The following NEBL variants were observed in gnomAD, a reference collection of about 807,000 sequenced individuals.
NEBL encodes nebulette.
Under a neutral mutation model 140.2 loss-of-function variants are expected in NEBL, and 122 were observed. The ratio of observed to expected loss-of-function variants is 0.87; its 90% CI spans 0.75 to 1.01. The LOEUF (loss-of-function observed/expected upper bound fraction) is 1.01. Ranked by LOEUF, NEBL falls within the 50% of genes least tolerant of loss-of-function variation. The pLI is 0.00. For synonymous variants in NEBL, 436 were observed against 398.9 expected (o/e 1.09, Z -1.11); for missense variants, 1,365 against 1,231.3 (o/e 1.11, Z -1.62).
At chr10:20,845,979 T>C (rs1841899344) in intron 11 of NEBL, among the ~76,000 whole-genome samples, 1 of 152,142 alleles carries the variant, frequency 6.6e-6, no homozygotes, top group African/African-American at 2.4e-5. Flanking sequence ...TCTTGAACCT[T>C]ATAACTGAAC....
chr10:20,896,785 A>G (rs1287078643), intron 2 of NEBL, among the ~76,000 whole-genome samples, 173 bp downstream of exon 2: 2 of 152,096 alleles, frequency 1.3e-5, no homozygotes, highest in Non-Finnish European at 2.9e-5. Context: ...AATTCTCTGT[A>G]TAGGTGACCT....
At chr10:20,989,148 A>G (rs1837364984) in intron 3 of NEBL, among the ~76,000 whole-genome samples, 1 of 152,244 alleles carries the variant, frequency 6.6e-6, no homozygotes, top group Admixed American at 6.5e-5. Flanking sequence ...TGCTTTTAGT[A>G]CAAATGAATA....
intron 4 of NEBL, among the ~76,000 whole-genome samples, chr10:20,938,962 T>C (rs4304658): frequency 0.5 from 76,419 of 152,036 alleles, 20,329 homozygotes; most frequent in Non-Finnish European, 0.58. Flanking sequence ...CTATGTCTGC[T>C]TGGTGTACCT....
intron 2 of NEBL, among the ~76,000 whole-genome samples, chr10:21,078,812 C>A (rs1488949130): frequency 6.6e-6 from 1 of 152,150 alleles, no homozygotes; most frequent in Non-Finnish European, 1.5e-5. Context: ...TTGGGCAAAG[C>A]ACTAGAAGTT....
intron 7 of NEBL, among the ~76,000 whole-genome samples, chr10:20,866,260 T>A (rs1397083469): frequency 6.6e-6 from 1 of 152,112 alleles, no homozygotes; most frequent in Non-Finnish European, 1.5e-5. Context: ...AGAGTTTCAC[T>A]TTTACAGGAT....
At chr10:20,840,323 A>G (rs939953846) in intron 13 of NEBL, among the ~76,000 whole-genome samples, 1 of 152,134 alleles carries the variant, frequency 6.6e-6, no homozygotes, top group African/African-American at 2.4e-5. Flanking sequence ...CTTTCATTTG[A>G]TAAAGAGGCT....
At chr10:20,850,622 C>T in intron 10 of NEBL, 120 bp from the exon 11 acceptor site, 1 of 700,714 alleles carries the variant, frequency 1.4e-6, no homozygotes, top group Non-Finnish European at 2.4e-6. Context: ...TTATTCTGGC[C>T]ATTTAGGTTG....
intron 4 of NEBL, among the ~76,000 whole-genome samples, chr10:20,939,613 T>G (rs1001385662): frequency 6.6e-6 from 1 of 152,144 alleles, no homozygotes; most frequent in Admixed American, 6.5e-5. Context: ...ATGGGCTAAA[T>G]GCTCCAATTA....
At chr10:21,146,571 A>G (rs1158560706) in intron 2 of NEBL, 1 of 1,265,904 alleles carries the variant, frequency 7.9e-7, no homozygotes, top group South Asian at 1.4e-5. Context: ...GTTACCTTGG[A>G]ACTTTCATCT....
intron 3 of NEBL, among the ~76,000 whole-genome samples, chr10:20,982,375 T>TATAGAAC (rs1554815542): frequency 6.6e-6 from 1 of 151,880 alleles, no homozygotes; most frequent in Non-Finnish European, 1.5e-5. Context: ...TTTTTTTATT[T>TATAGAAC]GTTGAACTTG....
intron 26 of NEBL, among the ~76,000 whole-genome samples, chr10:20,796,855 A>T (rs548833120): frequency 2.6e-5 from 4 of 152,190 alleles, no homozygotes; most frequent in Non-Finnish European, 5.9e-5. Context: ...TAGAGTCTTT[A>T]ATAATTATTC....
intron 4 of NEBL, among the ~76,000 whole-genome samples, chr10:20,929,609 G>A (rs959879624): frequency 2.0e-5 from 3 of 152,142 alleles, no homozygotes; most frequent in Non-Finnish European, 2.9e-5. Context: ...TCAGCAATGT[G>A]GATGGAACTG....
chr10:20,854,451 G>A (rs1035938649), intron 9 of NEBL, among the ~76,000 whole-genome samples: 2 of 152,072 alleles, frequency 1.3e-5, no homozygotes, highest in Non-Finnish European at 1.5e-5. Flanking sequence ...CTGGCCTCAG[G>A]TGCTTCCACT....
chr10:21,064,519 C>T (rs1261578667), intron 2 of NEBL, among the ~76,000 whole-genome samples: 1 of 152,096 alleles, frequency 6.6e-6, no homozygotes, highest in Non-Finnish European at 1.5e-5. Flanking sequence ...TATACAATTC[C>T]CTTTACAAGT....
In NEBL at chr10:21,207,844, G is replaced by T. The variant is rs183142009; in HGVS notation, n.349-35367C>A. Reference sequence around the variant, plus strand: ...TTTAAAAAGTGGACAGAAGATACAGGGTCCAATGGGGTGAATCTCAGGATT... The same window carrying T: ...TTTAAAAAGTGGACAGAAGATACAGTGTCCAATGGGGTGAATCTCAGGATT... On this transcript the variant is annotated intron_variant and non_coding_transcript_variant, in intron 3 of 8. Coordinates refer to the NEBL transcript ENST00000675702. Among the ~76,000 whole-genome samples the T allele has an allele frequency of 2.5e-3, 386 of 152,182 alleles. 3 individuals carry two copies. Among genetic ancestry groups the T allele is most frequent in the African/African-American group, 8.8e-3 (365 of 41,516 alleles).
At chr10:21,224,935 A>G (rs1842123835) in intron 3 of NEBL, among the ~76,000 whole-genome samples, 1 of 152,204 alleles carries the variant, frequency 6.6e-6, no homozygotes, top group South Asian at 2.1e-4. Context: ...ATATAAGATC[A>G]TATCATTTAC....
chr10:20,931,424 T>C (rs1015832185), intron 4 of NEBL, among the ~76,000 whole-genome samples: 6 of 152,210 alleles, frequency 3.9e-5, no homozygotes, highest in Non-Finnish European at 5.9e-5. Flanking sequence ...CTTTGCCATT[T>C]GAAACTAATA....
At chr10:21,253,963 G>A (rs559267082) in intron 1 of NEBL, among the ~76,000 whole-genome samples, 1 of 152,122 alleles carries the variant, frequency 6.6e-6, no homozygotes, top group Non-Finnish European at 1.5e-5. Flanking sequence ...ACAAATACAT[G>A]CTAAAGAATG....
chr10:21,099,520 A>C (rs1175751015), intron 2 of NEBL, among the ~76,000 whole-genome samples: 1 of 151,916 alleles, frequency 6.6e-6, no homozygotes, highest in Non-Finnish European at 1.5e-5. Flanking sequence ...ACCCCTTTCA[A>C]TTTCCTCTCT....
Sources: gnomAD v4.1 joint callset for allele counts (sites outside exome capture counted in the v4.1 genomes callset) on GRCh38, gnomAD v4.1.1 for gene constraint, MANE v1.5 for transcripts, NCBI Gene and HGNC (gene_info 2026-07-23, HGNC 2026-07-21) for gene names.